AMZ2: variants seen among roughly 807,000 people sequenced by gnomAD.
AMZ2 encodes the protein archaemetzincin-2.
Under a neutral mutation model 36.7 loss-of-function variants are expected in AMZ2, and 26 were observed. That is an observed-to-expected ratio of 0.71 (90% CI 0.52 to 0.98). The LOEUF (loss-of-function observed/expected upper bound fraction) is 0.98. AMZ2 is among the 50% of genes least tolerant of loss of function. The pLI is 0.00. For missense variants in AMZ2, 394 were observed against 430.5 expected (o/e 0.92, Z 0.75); for synonymous variants, 144 against 149.1 (o/e 0.97, Z 0.25).
At chr17:68,210,386 T>C (rs1208456170) in intron 1 of AMZ2, among the ~76,000 whole-genome samples, 4 of 152,208 alleles carry the variant, frequency 2.6e-5, no homozygotes, top group African/African-American at 9.6e-5. Flanking sequence ...TGTTACAACA[T>C]GGAGAACCCT....
At chr17:68,221,012 G>A (rs2073339360) in intron 1 of AMZ2, among the ~76,000 whole-genome samples, 1 of 151,828 alleles carries the variant, frequency 6.6e-6, no homozygotes. Context: ...TTGAACTCCT[G>A]ACTTCAGGTG....
rs147158659 is a variant in AMZ2 at position 68,250,403 on chromosome 17, G to C, written c.216G>C (p.Gln72His). ...CTGAGGCTCCCCAAGACTTTGAACA[G>C]TTCTTCAGTGATCCTTACAGAAAGA... ...SHPEAPQDFE[Q>H]FFSDPYRKTP... The change falls in exon 2 of 7, where the codon CAG becomes CAC. Residue 72 changes from glutamine (Q) to histidine (H), a missense_variant. Gln to His is a conservative substitution (Grantham distance 24, BLOSUM62 0). Transcript: ENST00000359904. 1.2e-6 allele frequency: 2 copies of C among 1,614,066 alleles called. No individual in the cohort carries two copies. The highest frequency in any genetic ancestry group is 1.7e-6 in the Non-Finnish European group (2 of 1,180,054).
chr17:68,219,773 A>G (rs1438227156), intron 1 of AMZ2, among the ~76,000 whole-genome samples: 7 of 151,472 alleles, frequency 4.6e-5, no homozygotes, highest in African/African-American at 9.7e-5. Flanking sequence ...AGCTCAAACA[A>G]TCTGCCCACC....
intron 1 of AMZ2, among the ~76,000 whole-genome samples, chr17:68,211,278 G>C (rs574360407): frequency 6.6e-6 from 1 of 152,216 alleles, no homozygotes; most frequent in South Asian, 2.1e-4. Context: ...CGATGCGGTA[G>C]GATCATGAGG....
chr17:68,226,118 A>G (rs1357398878), intron 1 of AMZ2, among the ~76,000 whole-genome samples: 1 of 152,070 alleles, frequency 6.6e-6, no homozygotes, highest in Non-Finnish European at 1.5e-5. Flanking sequence ...GGCAAATCCG[A>G]CTGGCCCGAA....
upstream of AMZ2, among the ~76,000 whole-genome samples, chr17:68,243,633 G>A (rs2073947413): frequency 6.6e-6 from 1 of 152,056 alleles, no homozygotes; most frequent in Admixed American, 6.5e-5. Flanking sequence ...GGGTCAATAG[G>A]TATGAACATT....
chr17:68,254,271 GT>G lies in AMZ2; in HGVS notation c.587-132del, dbSNP rs542161498. ...CTTCCTTTTTGGTGGCAAACCATAA[GT>G]GTATCAGATGGTGTGGACACAGTGA... On this transcript the variant is annotated intron_variant, in intron 4 of 6. Coordinates refer to ENST00000359904, the MANE Select transcript of AMZ2 (RefSeq NM_016627.5). 737 of 783,208 alleles carry G rather than the reference GT, an allele frequency of 9.4e-4. 4 individuals carry two copies. The highest frequency in any genetic ancestry group is 1.2e-3 in the Middle Eastern group (3 of 2,438). The allele number at this position is 783,208 out of a possible 1,614,324, so 48.5% of individuals were successfully genotyped here. A position where few individuals can be genotyped will look rare whatever the true frequency, so the allele number is the denominator to read the frequency against.
rs1410700765 is a variant in AMZ2, at chr17:68,254,553, C to G, written c.736C>G (p.Leu246Val). The change falls in exon 5 of 7, where the codon CTT becomes GTT. Residue 246 changes from leucine (L) to valine (V), a missense_variant. By Grantham distance (32) the Leu-to-Val change is conservative (BLOSUM62 1). Coordinates refer to ENST00000359904, the MANE Select transcript of AMZ2 (RefSeq NM_016627.5). ...TCCAGAAATAACTAGTGTTTTACTACTTCGATCCTGTAAGGTAAGTTATTA... is the reference window on the plus strand; with the variant it reads ...TCCAGAAATAACTAGTGTTTTACTAGTTCGATCCTGTAAGGTAAGTTATTA... ...YIPEITSVLL[L>V]RSCKTLTHEI... 11 of 1,611,192 alleles carry G rather than the reference C, an allele frequency of 6.8e-6. No homozygotes were observed. In the East Asian group the frequency reaches 2.5e-4, roughly 36 times the overall value.
chr17:68,213,886 A>G (rs1418722030), intron 1 of AMZ2, among the ~76,000 whole-genome samples: 6 of 151,852 alleles, frequency 4.0e-5, no homozygotes, highest in Non-Finnish European at 7.4e-5. Flanking sequence ...GTCCAACCCT[A>G]CTATCCAGTT....
intron 1 of AMZ2, among the ~76,000 whole-genome samples, chr17:68,225,875 T>C (rs1555729755): frequency 6.6e-6 from 1 of 152,144 alleles, no homozygotes; most frequent in African/African-American, 2.4e-5. Flanking sequence ...CCACCCACCT[T>C]GGCCTCCCAA....
At chr17:68,255,494 G>A (rs1263846480) in intron 5 of AMZ2, among the ~76,000 whole-genome samples, 1 of 152,224 alleles carries the variant, frequency 6.6e-6, no homozygotes, top group African/African-American at 2.4e-5. Context: ...CGATGTTGAG[G>A]TTGAGGAAGT....
chr17:68,227,984 G>C (rs2073558651), intron 1 of AMZ2, among the ~76,000 whole-genome samples: 2 of 152,102 alleles, frequency 1.3e-5, no homozygotes, highest in Non-Finnish European at 2.9e-5. Context: ...ATATTTTGGG[G>C]AGGGAGACAT....
chr17:68,248,304 G>C lies in AMZ2; in HGVS notation c.-402G>C, dbSNP rs2074163715. The C allele has an allele frequency of 1.4e-5, 14 of 985,836 alleles. No homozygotes were observed. Among genetic ancestry groups the C allele is most frequent in the Non-Finnish European group, 1.6e-5 (13 of 830,136 alleles). The allele number at this position is 985,836 out of a possible 1,614,324, so 61.1% of individuals were successfully genotyped here. On this transcript the variant is annotated 5_prime_UTR_variant, in exon 1 of 7. Transcript: ENST00000359904. Reference sequence around the variant, plus strand: ...AGGGAGGCCTTTCCCGAGGCTCCTGGGGAAGAAGAGGCGAAGCGAGAGTCC... The same window carrying C: ...AGGGAGGCCTTTCCCGAGGCTCCTGCGGAAGAAGAGGCGAAGCGAGAGTCC...
rs1309092559 is a variant in AMZ2, at chr17:68,231,875, C to T, written c.-66-16765C>T. Among the ~76,000 whole-genome samples, 3 of 152,026 alleles carry T rather than the reference C, an allele frequency of 2.0e-5. No individual in the cohort carries two copies. The East Asian group carries it at 5.8e-4, about 29-fold the overall frequency. ...AGAATTTCAAATGAACAACAAATCA[C>T]TTTTAATGTAGGTATATCCCATGAA... On this transcript the variant is annotated intron_variant, in intron 1 of 7. Coordinates refer to the AMZ2 transcript ENST00000674770.
intron 1 of AMZ2, among the ~76,000 whole-genome samples, chr17:68,214,531 T>C (rs1342272182): frequency 6.6e-6 from 1 of 152,220 alleles, no homozygotes; most frequent in Non-Finnish European, 1.5e-5. Context: ...TTACCTCCTC[T>C]AGAGACTAGA....
chr17:68,249,163 C>G, intron 1 of AMZ2: 1 of 1,056,806 alleles, frequency 9.5e-7, no homozygotes, highest in Middle Eastern at 3.8e-4. Context: ...AGGCCATAAA[C>G]TTCAGTGGCT....
chr17:68,210,956 A>AG (rs1424162715), intron 1 of AMZ2, among the ~76,000 whole-genome samples: 8 of 111,034 alleles, frequency 7.2e-5, no homozygotes, highest in African/African-American at 2.8e-4. Flanking sequence ...CTCAAAAAAA[A>AG]AGGGGGGGGG....
intron 1 of AMZ2, among the ~76,000 whole-genome samples, chr17:68,239,024 C>G (rs1555733484): frequency 6.6e-6 from 1 of 152,136 alleles, no homozygotes. Flanking sequence ...GTGTTTCCCC[C>G]TAGAAACCAT....
Position 68,256,977 on chromosome 17 carries a change from C to G in AMZ2, c.*8C>G, listed in dbSNP as rs1555743322. The G allele has an allele frequency of 2.5e-6, 4 of 1,610,180 alleles. No individual in the cohort carries two copies. The highest frequency in any genetic ancestry group is 3.4e-6 in the Non-Finnish European group (4 of 1,178,624). ...GCTGTTCTCCAAAAATGAGGACCTT[C>G]AAATAGGAGTGATTGAAATAAATAA... On this transcript the variant is annotated 3_prime_UTR_variant, in exon 7 of 7. Coordinates refer to ENST00000359904, the MANE Select transcript of AMZ2 (RefSeq NM_016627.5).
Sources: gnomAD v4.1 joint callset for allele counts (sites outside exome capture counted in the v4.1 genomes callset) on GRCh38, gnomAD v4.1.1 for gene constraint, MANE v1.5 for transcripts, NCBI Gene and HGNC (gene_info 2026-07-23, HGNC 2026-07-21) for gene names.